NRG3: variants seen among roughly 807,000 people sequenced by gnomAD.
The protein encoded by NRG3 is pro-neuregulin-3, membrane-bound isoform.
Under a neutral mutation model 66.9 loss-of-function variants are expected in NRG3, and 31 were observed. The ratio of observed to expected loss-of-function variants is 0.46; its 90% CI spans 0.35 to 0.63. NRG3 has a LOEUF of 0.63. Among genes scored for constraint, NRG3 ranks in the 20% least tolerant of loss-of-function variants. The pLI is 0.00. For synonymous variants in NRG3, 393 were observed against 359.4 expected, an observed-to-expected ratio of 1.09 and a Z score of -1.06; for missense variants, 910 against 878.9, an observed-to-expected ratio of 1.04 and a Z score of -0.45.
intron 1 of NRG3, among the ~76,000 whole-genome samples, chr10:82,242,917 ACAG>A (rs1202269096): frequency 5.3e-5 from 8 of 152,222 alleles, no homozygotes; most frequent in Admixed American, 3.9e-4. Flanking sequence ...GTTTCTACCT[ACAG>A]TCTGACCCTT....
intron 1 of NRG3, among the ~76,000 whole-genome samples, chr10:82,058,767 A>G (rs1221671371): frequency 1.3e-5 from 2 of 152,142 alleles, no homozygotes; most frequent in Non-Finnish European, 2.9e-5. Context: ...AAAAAGTTGG[A>G]CACATCAAAA....
intron 3 of NRG3, among the ~76,000 whole-genome samples, chr10:82,793,513 C>G (rs1163175018): frequency 6.6e-6 from 1 of 152,184 alleles, no homozygotes; most frequent in East Asian, 1.9e-4. Context: ...AGTGACATCT[C>G]TCTACCCCCT....
intron 4 of NRG3, among the ~76,000 whole-genome samples, chr10:82,900,039 A>G (rs1349862642): frequency 1.3e-5 from 2 of 152,176 alleles, no homozygotes; most frequent in Non-Finnish European, 2.9e-5. Context: ...GGAGGCCCCA[A>G]GAAGCTTCTA....
At chr10:82,220,741 C>T (rs1471148426) in intron 1 of NRG3, among the ~76,000 whole-genome samples, 21 of 152,126 alleles carry the variant, frequency 1.4e-4, no homozygotes, top group Admixed American at 1.4e-3. Flanking sequence ...TATAGCTGAG[C>T]ATCATAGCCT....
At chr10:82,102,034 T>C (rs1467895436) in intron 1 of NRG3, among the ~76,000 whole-genome samples, 1 of 143,342 alleles carries the variant, frequency 7.0e-6, no homozygotes, top group African/African-American at 2.5e-5. Flanking sequence ...CACATATATA[T>C]GCACATATAA....
intron 1 of NRG3, among the ~76,000 whole-genome samples, chr10:82,003,790 A>G (rs1004225966): frequency 1.3e-5 from 2 of 152,092 alleles, no homozygotes; most frequent in African/African-American, 2.4e-5. Context: ...AAGTTTGGCT[A>G]AGGGCAGCAG....
At chr10:82,734,198 A>T (rs897024669) in intron 2 of NRG3, among the ~76,000 whole-genome samples, 1 of 152,104 alleles carries the variant, frequency 6.6e-6, no homozygotes, top group African/African-American at 2.4e-5. Flanking sequence ...AAAACTCTTT[A>T]CTTAAACCAG....
chr10:82,322,199 G>A (rs1003166300), intron 1 of NRG3, among the ~76,000 whole-genome samples: 3 of 152,208 alleles, frequency 2.0e-5, no homozygotes, highest in African/African-American at 7.2e-5. Context: ...TTGTGAAAAT[G>A]AGAAGATGTA....
At chr10:82,924,902 A>G (rs1846829366) in intron 4 of NRG3, among the ~76,000 whole-genome samples, 1 of 152,202 alleles carries the variant, frequency 6.6e-6, no homozygotes, top group Non-Finnish European at 1.5e-5. Flanking sequence ...GTCTCCTATA[A>G]TTATAGGGAT....
chr10:82,558,881 T>C (rs1188969606), intron 2 of NRG3, among the ~76,000 whole-genome samples: 1 of 152,140 alleles, frequency 6.6e-6, no homozygotes, highest in Non-Finnish European at 1.5e-5. Context: ...GTTTTTGTTA[T>C]TTTCTACAAA....
intron 3 of NRG3, among the ~76,000 whole-genome samples, chr10:82,846,325 A>G (rs1591706234): frequency 6.6e-6 from 1 of 152,336 alleles, no homozygotes; most frequent in East Asian, 1.9e-4. Flanking sequence ...GGAAGAGAAG[A>G]TAAGACAACC....
At chr10:81,960,162 T>A (rs1850217942) in intron 1 of NRG3, among the ~76,000 whole-genome samples, 1 of 152,184 alleles carries the variant, frequency 6.6e-6, no homozygotes, top group South Asian at 2.1e-4. Flanking sequence ...CACTTTTAAA[T>A]TTTTCTTGCT....
intron 2 of NRG3, among the ~76,000 whole-genome samples, chr10:82,637,487 A>G (rs886756574): frequency 2.6e-5 from 4 of 152,210 alleles, no homozygotes; most frequent in Admixed American, 2.0e-4. Context: ...ATTTGAATCC[A>G]GTAATCAGTA....
At position 82,824,719 on chromosome 10, in the gene NRG3, C is replaced by G. The variant is rs1249336763; in HGVS notation, c.1028-40692C>G. Among the ~76,000 whole-genome samples the G allele has an allele frequency of 2.2e-5, 3 of 138,702 alleles. No homozygotes were observed. In the East Asian group the frequency reaches 6.2e-4, roughly 29 times the overall value. 91.0% of individuals were successfully genotyped at this position (138,702 alleles called of 152,430 possible). A position where few individuals can be genotyped will look rare whatever the true frequency, so the allele number is the denominator to read the frequency against. On this transcript the variant is annotated intron_variant, in intron 3 of 8. Coordinates refer to ENST00000372141, the MANE Select transcript of NRG3 (RefSeq NM_001010848.4). ...TTTGCCCATTTTTTAATTATAGACA[C>G]TTTTTTTTTTTTTTTGAGGCAGGGT...
At chr10:82,341,717 ACC>A (rs1348960103) in intron 1 of NRG3, among the ~76,000 whole-genome samples, 1 of 152,082 alleles carries the variant, frequency 6.6e-6, no homozygotes, top group East Asian at 1.9e-4. Context: ...TGATTTGGTA[ACC>A]CAATAGGTAG....
At chr10:82,115,862 G>A (rs937655556) in intron 1 of NRG3, among the ~76,000 whole-genome samples, 33 of 152,154 alleles carry the variant, frequency 2.2e-4, no homozygotes, top group African/African-American at 7.7e-4. Context: ...AAGTGCTTAG[G>A]GGATGTTCTG....
intron 2 of NRG3, among the ~76,000 whole-genome samples, chr10:82,513,751 G>T (rs1845410680): frequency 6.6e-6 from 1 of 152,148 alleles, no homozygotes; most frequent in Non-Finnish European, 1.5e-5. Flanking sequence ...CTGCACTCCA[G>T]CCTGGGCAAT....
At chr10:82,709,656 G>A (rs750473603) in intron 2 of NRG3, among the ~76,000 whole-genome samples, 7 of 152,084 alleles carry the variant, frequency 4.6e-5, no homozygotes, top group Admixed American at 2.0e-4. Context: ...TGGAACCAGC[G>A]GCTGTTTAAG....
At position 82,426,211 on chromosome 10, in the gene NRG3, A is replaced by G. The variant is rs554884311; in HGVS notation, c.953+67343A>G. ...AGGTTTTTCTCCCATCTTCACTCTG[A>G]GACCCCTGGTGGGACTCCTGAAGGT... is the stretch of plus-strand genomic sequence containing the variant. On this transcript the variant is annotated intron_variant, in intron 2 of 8. Transcript: ENST00000372141. Among the ~76,000 whole-genome samples, 19 of 152,276 alleles carry G rather than the reference A, an allele frequency of 1.2e-4. No homozygotes were observed. In the South Asian group the frequency reaches 2.9e-3, roughly 23 times the overall value.
Sources: allele counts gnomAD v4.1 joint callset (sites outside exome capture counted in the v4.1 genomes callset), GRCh38; gene constraint gnomAD v4.1.1; transcripts MANE v1.5; gene names NCBI Gene and HGNC (gene_info 2026-07-23, HGNC 2026-07-21).